The following ITSN2 variants were observed in gnomAD, a reference collection of about 807,000 sequenced individuals.
ITSN2 encodes intersectin 2.
In ITSN2, 156 loss-of-function variants were observed where a neutral mutation model predicts 243.7. The observed-to-expected ratio is 0.64, with a 90% confidence interval of 0.56 to 0.73. The LOEUF (loss-of-function observed/expected upper bound fraction) is 0.73. ITSN2 is among the 30% of genes least tolerant of loss of function. The probability of loss-of-function intolerance (pLI) is 0.00; values close to 1 mark genes in which losing one functional copy is unlikely to be tolerated. For synonymous variants in ITSN2, 703 were observed against 699.9 expected (o/e 1.00, Z -0.07); for missense variants, 1,801 against 1,996.1 (o/e 0.90, Z 1.86).
Position 24,208,305 on chromosome 2 carries a change from T to A in ITSN2, c.4610A>T (p.Gln1537Leu). 6.2e-7 allele frequency: 1 copy of A among 1,612,404 alleles called. No individual in the cohort carries two copies. Among genetic ancestry groups the A allele is most frequent in the South Asian group, 1.1e-5 (1 of 91,070 alleles). Residue 1537 changes from glutamine to leucine, a missense_variant, in exon 37 of 40, where the codon CAG (glutamine) becomes CTG (leucine). Physicochemically the swap from Gln to Leu is moderately radical, Grantham distance 113. Transcript: ENST00000355123. ...CTGCTCAGACGCCGCCTTGATCTTC[T>A]GCACCCAGGCGGTCCTACGGGAGAA... is the stretch of plus-strand genomic sequence containing the variant. ...DNINERTAWV[Q>L]KIKAASEQYI...
chr2:24,222,381 T>C (rs1670551822), intron 29 of ITSN2, among the ~76,000 whole-genome samples: 1 of 151,838 alleles, frequency 6.6e-6, no homozygotes, highest in African/African-American at 2.4e-5. Flanking sequence ...CCATGAATAC[T>C]TGATAACTAG....
intron 9 of ITSN2, among the ~76,000 whole-genome samples, chr2:24,302,324 G>A (rs915254499): frequency 2.0e-5 from 3 of 151,890 alleles, no homozygotes; most frequent in African/African-American, 4.8e-5. Context: ...TCAGTCTCCC[G>A]AGTAGCTGGG....
chr2:24,337,323 T>TATATATACACATATATATATAC (rs745459301), intron 1 of ITSN2, among the ~76,000 whole-genome samples: 1 of 89,428 alleles, frequency 1.1e-5, no homozygotes, highest in African/African-American at 4.7e-5. Context: ...AAAATATATA[T>TATATATACACATATATATATAC]ATATATATAT....
rs1574404203 is a variant in ITSN2, at chr2:24,350,114, G to A, written c.-34+10190C>T. Among the ~76,000 whole-genome samples the A allele has an allele frequency of 2.6e-5, 4 of 152,126 alleles. No individual in the cohort carries two copies. In the South Asian group the frequency reaches 8.3e-4, roughly 32 times the overall value. On this transcript the variant is annotated intron_variant, in intron 1 of 39. Coordinates refer to ENST00000355123, the MANE Select transcript of ITSN2 (RefSeq NM_006277.3). ...CCTTAGTAACTCAGATTATTGGTAG[G>A]TAGCCTATTCTAATACATAAATATC...
chr2:24,230,212 A>G lies in ITSN2; in HGVS notation c.3578-9146T>C, dbSNP rs78570488. The stretch of plus-strand genomic sequence containing the variant: ...TAATTTTCCACCTCAGTGGATGGCA[A>G]TATCATCTCTCCAGCTGCTCACGCC... On this transcript the variant is annotated intron_variant, in intron 29 of 39. Coordinates refer to ENST00000355123, the MANE Select transcript of ITSN2 (RefSeq NM_006277.3). Among the ~76,000 whole-genome samples the G allele has an allele frequency of 9.4e-3, 1,425 of 152,264 alleles. 5 individuals carry two copies. Among genetic ancestry groups the G allele is most frequent in the Non-Finnish European group, 0.014 (919 of 68,034 alleles).
At chr2:24,359,124 T>C (rs1471069674) in intron 1 of ITSN2, among the ~76,000 whole-genome samples, 1 of 152,220 alleles carries the variant, frequency 6.6e-6, no homozygotes, top group East Asian at 1.9e-4. Context: ...GAGTTGTCAG[T>C]ATCTTTAAAT....
At chr2:24,236,673 C>CTTT (rs35381391) in intron 29 of ITSN2, among the ~76,000 whole-genome samples, 144 of 137,806 alleles carry the variant, frequency 1.0e-3, no homozygotes, top group African/African-American at 3.4e-3. Flanking sequence ...GTTTTTTTTT[C>CTTT]TTTTTTTTTT....
At chr2:24,275,948 G>T in intron 17 of ITSN2, 99 bp from the exon 18 acceptor site, 3 of 858,620 alleles carry the variant, frequency 3.5e-6, no homozygotes, top group Admixed American at 3.0e-5. Context: ...AAATCCTATA[G>T]CAAGTTGAAC....
chr2:24,253,963 C>T lies in ITSN2; in HGVS notation c.2953+404G>A, dbSNP rs143559498. Reference sequence around the variant, plus strand: ...ATATAGAAAAAAATTCTTTGCAATACTTATGATAAAGTATACCTTGGTCCT... The same window carrying T: ...ATATAGAAAAAAATTCTTTGCAATATTTATGATAAAGTATACCTTGGTCCT... On this transcript the variant is annotated intron_variant, in intron 24 of 39. Transcript: ENST00000355123. Among the ~76,000 whole-genome samples, 15 of 152,260 alleles carry T rather than the reference C, an allele frequency of 9.9e-5. No homozygotes were observed. The East Asian group carries it at 2.3e-3, about 23-fold the overall frequency.
At chr2:24,301,868 A>G in intron 10 of ITSN2, 97 bp downstream of exon 10, 2 of 1,168,196 alleles carry the variant, frequency 1.7e-6, no homozygotes, top group Non-Finnish European at 2.4e-6. Context: ...AACTTGTTGA[A>G]TACTAAAATC....
Position 24,210,848 on chromosome 2 carries a change from G to A in ITSN2, c.4189C>T (p.Arg1397Trp), listed in dbSNP as rs759015898. Reference protein sequence around the residue: ...ELCSQVNEGVREKENSDRLEW... With the variant: ...ELCSQVNEGVWEKENSDRLEW... ...AGTCGGTCCGAGTTTTCCTTCTCCC[G>A]AACTCCCTCATTCACTTGAGAGCAC... The change falls in exon 34 of 40, where the codon CGG (arginine) becomes TGG (tryptophan). Residue 1397 changes from arginine (R) to tryptophan (W), a missense_variant. Arg to Trp is a moderately radical substitution (Grantham distance 101, BLOSUM62 -3). Around this residue, in one of 5 missense-constraint regions of ITSN2, gnomAD observed 928 missense variants for 1,065.4 expected, o/e 0.87. Coordinates refer to ENST00000355123, the MANE Select transcript of ITSN2 (RefSeq NM_006277.3). 21 of 1,613,926 alleles carry A rather than the reference G, an allele frequency of 1.3e-5. No individual in the cohort carries two copies. The East Asian group carries it at 2.5e-4, about 19-fold the overall frequency.
chr2:24,348,270 G>A (rs1388001096), intron 1 of ITSN2, among the ~76,000 whole-genome samples: 1 of 145,000 alleles, frequency 6.9e-6, no homozygotes, highest in Non-Finnish European at 1.5e-5. Flanking sequence ...CACCTTCTGG[G>A]TTCAAGCGAT....
chr2:24,314,598 G>A (rs1276160488), intron 3 of ITSN2, among the ~76,000 whole-genome samples: 2 of 152,136 alleles, frequency 1.3e-5, no homozygotes, highest in African/African-American at 2.4e-5. Context: ...TGTTCTCATA[G>A]TTACTATTAT....
intron 20 of ITSN2, among the ~76,000 whole-genome samples, chr2:24,269,920 C>T (rs907307422): frequency 2.0e-5 from 3 of 152,094 alleles, no homozygotes; most frequent in African/African-American, 4.8e-5. Context: ...GGCACAGCTC[C>T]GGTACTACTA....
In ITSN2 at chr2:24,270,701, C is replaced by T; in HGVS notation, c.2325G>A (p.Glu775=). ...LYPFEARNHD[E]MSFNSGDIIQ... ...TTATATCTCCAGAATTAAAACTCAT[C>T]TCATCATGGTTCCTTGCTTCAAAGG... is the stretch of plus-strand genomic sequence containing the variant. The change falls in exon 20 of 40, where the codon GAG becomes GAA. Residue 775 remains glutamate (E), a synonymous_variant. Coordinates refer to ENST00000355123, the MANE Select transcript of ITSN2 (RefSeq NM_006277.3). The T allele has an allele frequency of 1.3e-6, 2 of 1,598,590 alleles. No individual in the cohort carries two copies. Among genetic ancestry groups the T allele is most frequent in the Non-Finnish European group, 1.7e-6 (2 of 1,167,998 alleles).
intron 17 of ITSN2, among the ~76,000 whole-genome samples, chr2:24,277,988 T>C (rs895830174): frequency 6.6e-6 from 1 of 151,984 alleles, no homozygotes; most frequent in Non-Finnish European, 1.5e-5. Context: ...CCTCACAGAG[T>C]TGTTGTGAGG....
chr2:24,313,377 C>T (rs1303329185), intron 4 of ITSN2, 83 bp downstream of exon 4: 4 of 1,171,416 alleles, frequency 3.4e-6, no homozygotes, highest in Non-Finnish European at 4.9e-6. Flanking sequence ...TAGAATGCAA[C>T]TAAAAACAAT....
At chr2:24,205,175 G>A (rs1224146413) in intron 38 of ITSN2, 39 bp downstream of exon 38, 12 of 1,546,840 alleles carry the variant, frequency 7.8e-6, no homozygotes, top group African/African-American at 1.4e-5. Context: ...ACTGGGGCAG[G>A]GCAGTTATGT....
chr2:24,303,434 G>A (rs780766139), intron 9 of ITSN2, among the ~76,000 whole-genome samples: 1 of 152,184 alleles, frequency 6.6e-6, no homozygotes, highest in Non-Finnish European at 1.5e-5. Context: ...AGAGCTTAAA[G>A]AATAGGATAT....
Sources: gnomAD v4.1 joint callset for allele counts (sites outside exome capture counted in the v4.1 genomes callset) on GRCh38, gnomAD v4.1.1 for gene constraint, gnomAD v4.1.1 regional missense constraint, MANE v1.5 for transcripts, NCBI Gene and HGNC (gene_info 2026-07-23, HGNC 2026-07-21) for gene names.